ARSB: variants seen among roughly 807,000 people sequenced by gnomAD.
The protein encoded by ARSB is N-acetylgalactosamine-4-sulfatase.
A neutral mutation model predicts 50.9 loss-of-function variants in ARSB; 41 were observed. That is an observed-to-expected ratio of 0.81 (90% CI 0.63 to 1.04). ARSB has a LOEUF of 1.04. Among genes scored for constraint, ARSB ranks in the 50% least tolerant of loss-of-function variants. ARSB has a pLI of 0.00. For missense variants in ARSB, 672 were observed against 693.3 expected, an observed-to-expected ratio of 0.97 and a Z score of 0.35; for synonymous variants, 269 against 284.8, an observed-to-expected ratio of 0.94 and a Z score of 0.56.
At chr5:78,967,815 T>G (rs1436236649) in intron 2 of ARSB, among the ~76,000 whole-genome samples, 4 of 152,248 alleles carry the variant, frequency 2.6e-5, no homozygotes, top group African/African-American at 9.6e-5. Flanking sequence ...TGTTTAAACT[T>G]TCTATGTTCA....
In ARSB at chr5:78,780,657, C is replaced by T. The variant is rs764825534; in HGVS notation, c.1342G>A (p.Gly448Ser). 9 of 1,613,856 alleles carry T rather than the reference C, an allele frequency of 5.6e-6. 1 individual carries two copies. In the African/African-American group the frequency reaches 9.3e-5, roughly 17 times the overall value. Residue 448 changes from glycine to serine, a missense_variant, in exon 8 of 8, where the codon GGT (glycine) becomes AGT (serine). Coordinates refer to ENST00000264914, the MANE Select transcript of ARSB (RefSeq NM_000046.5). The part of the protein sequence containing the change: ...WKLLTGYPGC[G>S]YWFPPPSQYN... ...TGAGACGGTGGAGGGAACCAGTAACCACAGCCTAGCAAAGAAAACAAAACA... is the reference window on the plus strand; with the variant it reads ...TGAGACGGTGGAGGGAACCAGTAACTACAGCCTAGCAAAGAAAACAAAACA...
At chr5:78,843,064 C>A (rs897661340) in intron 5 of ARSB, among the ~76,000 whole-genome samples, 1 of 152,176 alleles carries the variant, frequency 6.6e-6, no homozygotes, top group African/African-American at 2.4e-5. Flanking sequence ...AGATCACTGG[C>A]GGTGGAACCC....
intron 4 of ARSB, among the ~76,000 whole-genome samples, chr5:78,942,166 T>C (rs1224349246): frequency 6.6e-6 from 1 of 152,196 alleles, no homozygotes; most frequent in Non-Finnish European, 1.5e-5. Context: ...ATTTGATTCT[T>C]CTCTCTTTTC....
At chr5:78,918,150 T>G (rs1179437242) in intron 4 of ARSB, among the ~76,000 whole-genome samples, 2 of 152,258 alleles carry the variant, frequency 1.3e-5, no homozygotes, top group Non-Finnish European at 2.9e-5. Context: ...ATATTTGACA[T>G]GTAATTTTAT....
intron 6 of ARSB, among the ~76,000 whole-genome samples, chr5:78,804,959 T>G (rs965259218): frequency 6.6e-6 from 1 of 152,240 alleles, no homozygotes; most frequent in Non-Finnish European, 1.5e-5. Flanking sequence ...GAGTCACATG[T>G]ATATTTGCCA....
At chr5:78,835,551 G>C (rs906601304) in intron 6 of ARSB, among the ~76,000 whole-genome samples, 2 of 152,164 alleles carry the variant, frequency 1.3e-5, no homozygotes, top group Non-Finnish European at 2.9e-5. Flanking sequence ...AGGTGGCCAG[G>C]ATATAGTAAT....
chr5:78,983,649 A>G (rs868080317), intron 1 of ARSB, among the ~76,000 whole-genome samples: 4 of 152,214 alleles, frequency 2.6e-5, no homozygotes, highest in South Asian at 2.1e-4. Flanking sequence ...TGGATGGTGA[A>G]GGGAAGCATC....
chr5:78,980,065 G>T (rs190734524), intron 1 of ARSB, among the ~76,000 whole-genome samples: 12 of 152,304 alleles, frequency 7.9e-5, no homozygotes, highest in Admixed American at 7.2e-4. Flanking sequence ...TAGATAATAA[G>T]AAGGCTGGTG....
chr5:78,796,978 C>T (rs1020673860), intron 6 of ARSB, among the ~76,000 whole-genome samples: 4 of 146,902 alleles, frequency 2.7e-5, no homozygotes, highest in Admixed American at 6.8e-5. Flanking sequence ...CCCGGGTTCA[C>T]GCCATTCTCC....
intron 4 of ARSB, among the ~76,000 whole-genome samples, chr5:78,919,880 T>C (rs769937698): frequency 6.6e-6 from 1 of 152,200 alleles, no homozygotes; most frequent in Non-Finnish European, 1.5e-5. Flanking sequence ...GAGTGATACA[T>C]ACCTCTAGAA....
chr5:78,834,711 TCTGAGTAATG>T (rs1484454897), intron 6 of ARSB, among the ~76,000 whole-genome samples: 12 of 148,590 alleles, frequency 8.1e-5, no homozygotes, highest in Non-Finnish European at 1.5e-4. Flanking sequence ...TTTTGGCTGT[TCTGAGTAATG>T]CTGAGTAATG....
intron 6 of ARSB, among the ~76,000 whole-genome samples, chr5:78,834,979 CCTTT>C (rs1744887396): frequency 1.5e-5 from 2 of 133,148 alleles, no homozygotes; most frequent in South Asian, 2.8e-4. Flanking sequence ...TCCCTTCCTT[CCTTT>C]TTCCACTCTC....
chr5:78,882,632 G>C (rs1313306468), intron 5 of ARSB, among the ~76,000 whole-genome samples: 1 of 152,112 alleles, frequency 6.6e-6, no homozygotes, highest in African/African-American at 2.4e-5. Flanking sequence ...AGTGTTTGCA[G>C]TAAGTTTCTT....
chr5:78,942,196 G>A (rs1388910671), intron 4 of ARSB, among the ~76,000 whole-genome samples: 1 of 152,054 alleles, frequency 6.6e-6, no homozygotes, highest in Non-Finnish European at 1.5e-5. Flanking sequence ...AGTCTTGCTA[G>A]CGGTCTATCA....
chr5:78,936,849 T>C (rs1347857115), intron 4 of ARSB, among the ~76,000 whole-genome samples: 1 of 152,202 alleles, frequency 6.6e-6, no homozygotes, highest in East Asian at 1.9e-4. Flanking sequence ...GTAGATTCTA[T>C]ATCTTTAAAT....
intron 4 of ARSB, among the ~76,000 whole-genome samples, chr5:78,944,671 G>A (rs890266331): frequency 6.6e-6 from 1 of 152,192 alleles, no homozygotes; most frequent in Admixed American, 6.5e-5. Context: ...GGCCATGTGA[G>A]ATGTCAGTCT....
intron 4 of ARSB, among the ~76,000 whole-genome samples, chr5:78,939,852 G>A (rs1211717874): frequency 2.0e-5 from 3 of 152,106 alleles, no homozygotes; most frequent in African/African-American, 7.2e-5. Flanking sequence ...CTGAGGAATC[G>A]CCACACTGAC....
chr5:78,800,287 C>T (rs1287549360), intron 6 of ARSB, among the ~76,000 whole-genome samples: 2 of 150,760 alleles, frequency 1.3e-5, no homozygotes, highest in Non-Finnish European at 2.9e-5. Flanking sequence ...CACTGCACTC[C>T]AGCCCGGGTG....
intron 2 of ARSB, among the ~76,000 whole-genome samples, chr5:78,968,008 G>A (rs1311948391): frequency 6.6e-5 from 10 of 152,102 alleles, no homozygotes; most frequent in Non-Finnish European, 1.5e-4. Context: ...GGTTTAAAGA[G>A]GGCATATTTT....
Sources: allele counts gnomAD v4.1 joint callset (sites outside exome capture counted in the v4.1 genomes callset), GRCh38; gene constraint gnomAD v4.1.1; transcripts MANE v1.5; gene names NCBI Gene and HGNC (gene_info 2026-07-23, HGNC 2026-07-21).